The following RRN3 variants were observed in gnomAD, a reference collection of about 807,000 sequenced individuals.
The protein encoded by RRN3 is RNA polymerase I transcription factor RRN3, also known as RNA polymerase I-specific transcription initiation factor RRN3.
RRN3 carries 38 observed loss-of-function variants against 82.3 expected under a neutral mutation model. The observed-to-expected ratio is 0.46, with a 90% CI of 0.36 to 0.61. The LOEUF (loss-of-function observed/expected upper bound fraction) is 0.61, where lower values mean the gene tolerates loss of function less well. Ranked by LOEUF, RRN3 falls within the 20% of genes least tolerant of loss-of-function variation. The probability of loss-of-function intolerance (pLI) is 0.00; values close to 1 mark genes in which losing one functional copy is unlikely to be tolerated. For synonymous variants in RRN3, 284 were observed against 284.3 expected, an observed-to-expected ratio of 1.00 and a Z score of 0.01; for missense variants, 726 against 793.1, an observed-to-expected ratio of 0.92 and a Z score of 1.02.
In RRN3 at chr16:15,094,255, C is replaced by T. The variant is rs1423687571; in HGVS notation, c.-22G>A. The T allele has an allele frequency of 2.6e-6, 4 of 1,548,408 alleles. No individual in the cohort carries two copies. Among genetic ancestry groups the T allele is most frequent in the Non-Finnish European group, 3.5e-6 (4 of 1,141,868 alleles). ...CCATTGGGCCGAACTAACGCGACCGCTGCGCCTCAGGCCGGATGCCCAGCT... is the reference window on the plus strand; with the variant it reads ...CCATTGGGCCGAACTAACGCGACCGTTGCGCCTCAGGCCGGATGCCCAGCT... On this transcript the variant is annotated 5_prime_UTR_variant, in exon 1 of 18. Coordinates refer to ENST00000198767, the MANE Select transcript of RRN3 (RefSeq NM_018427.5).
intron 3 of RRN3, among the ~76,000 whole-genome samples, chr16:15,089,657 G>T (rs1598005724): frequency 6.6e-6 from 1 of 151,414 alleles, no homozygotes; most frequent in South Asian, 2.1e-4. Context: ...AAAATTAGCT[G>T]GCGGTGGTGG....
At chr16:15,093,846 G>A in intron 1 of RRN3, 1 of 444,550 alleles carries the variant, frequency 2.2e-6, no homozygotes, top group Non-Finnish European at 4.0e-6. Context: ...GGACGAAGAA[G>A]AGGGAAGGAA....
chr16:15,077,618 G>A (rs564287651), intron 9 of RRN3, among the ~76,000 whole-genome samples: 1 of 152,188 alleles, frequency 6.6e-6, no homozygotes, highest in Non-Finnish European at 1.5e-5. Context: ...GAGGTGGACG[G>A]ATCATGAGGT....
chr16:15,065,091 G>T (rs552856901), intron 16 of RRN3, 128 bp downstream of exon 16: 2 of 888,448 alleles, frequency 2.3e-6, no homozygotes, highest in Non-Finnish European at 3.5e-6. Context: ...GTGTGAACCC[G>T]GGAGGCGGAG....
intron 3 of RRN3, among the ~76,000 whole-genome samples, chr16:15,090,415 T>C (rs937860174): frequency 4.6e-5 from 7 of 152,204 alleles, no homozygotes; most frequent in Non-Finnish European, 7.3e-5. Flanking sequence ...TATTAGCTCA[T>C]TGAATCCTTG....
intron 10 of RRN3, among the ~76,000 whole-genome samples, 199 bp from the exon 11 acceptor site, chr16:15,075,060 G>A (rs1333874915): frequency 1.3e-5 from 2 of 151,946 alleles, no homozygotes; most frequent in Non-Finnish European, 2.9e-5. Flanking sequence ...GACCAGCCTG[G>A]CCAACATGGT....
In RRN3 at chr16:15,074,179, C is replaced by T. The variant is rs189191832; in HGVS notation, c.997+544G>A. ...TGTATTATTTTTATAACAGCAAGAC[C>T]GTTAAAACAGTAATGCAGTCAACTC... is the stretch of plus-strand genomic sequence containing the variant. On this transcript the variant is annotated intron_variant, in intron 11 of 17. Coordinates refer to ENST00000198767, the MANE Select transcript of RRN3 (RefSeq NM_018427.5). Among the ~76,000 whole-genome samples, 14 of 152,114 alleles carry T rather than the reference C, an allele frequency of 9.2e-5. No homozygotes were observed. In the South Asian group the frequency reaches 1.0e-3, roughly 11 times the overall value.
At chr16:15,062,296 G>A (rs1184806211) in intron 17 of RRN3, among the ~76,000 whole-genome samples, 1 of 152,160 alleles carries the variant, frequency 6.6e-6, no homozygotes, top group Non-Finnish European at 1.5e-5. Flanking sequence ...CAGGAAACAT[G>A]ACGAGTCATT....
Position 15,061,476 on chromosome 16 carries a change from A to C in RRN3, c.*268T>G. On this transcript the variant is annotated 3_prime_UTR_variant, in exon 18 of 18. Transcript: ENST00000198767. ...TGTTAACACAAAAAATGTACATATT[A>C]AACAAGCAAATCCTTCCAAATGTAT... The C allele has an allele frequency of 2.6e-6, 1 of 384,840 alleles. No individual in the cohort carries two copies. 23.8% of individuals were successfully genotyped at this position (384,840 alleles called of 1,614,324 possible).
intron 10 of RRN3, among the ~76,000 whole-genome samples, chr16:15,075,401 G>C (rs567275804): frequency 6.6e-6 from 1 of 151,932 alleles, no homozygotes; most frequent in South Asian, 2.1e-4. Flanking sequence ...AGTGAGACCT[G>C]TCTCTACAAA....
At chr16:15,087,748 ACTATC>A (rs1164247663) in intron 3 of RRN3, among the ~76,000 whole-genome samples, 2 of 152,218 alleles carry the variant, frequency 1.3e-5, no homozygotes, top group Admixed American at 1.3e-4. Context: ...AATAAAATAA[ACTATC>A]CTATCTCTTT....
intron 2 of RRN3, 139 bp downstream of exon 2, chr16:15,092,370 C>T (rs1205201682): frequency 3.2e-5 from 21 of 657,602 alleles, no homozygotes; most frequent in Non-Finnish European, 5.0e-5. Context: ...TTTGCACTGA[C>T]GGCATCATGC....
intron 16 of RRN3, among the ~76,000 whole-genome samples, chr16:15,064,974 G>A (rs995825830): frequency 4.6e-5 from 7 of 152,116 alleles, no homozygotes; most frequent in Admixed American, 2.6e-4. Flanking sequence ...AGAACATCCC[G>A]GCTAACACAG....
rs1179195856 is a variant in RRN3, at chr16:15,063,653, C to T, written c.1707-370G>A. ...CTGGGAGACGGAGCTTGCAGCGAGC[C>T]GAGATCGCGCCACTGCACTCCAGCC... is the stretch of plus-strand genomic sequence containing the variant. On this transcript the variant is annotated intron_variant, in intron 16 of 17. Transcript: ENST00000198767. 3.6e-5 allele frequency among the ~76,000 whole-genome samples: 5 copies of T among 138,172 alleles called. No homozygotes were observed. In the East Asian group the frequency reaches 6.4e-4, roughly 18 times the overall value. 90.6% of individuals were successfully genotyped at this position (138,172 alleles called of 152,430 possible). A position where few individuals can be genotyped will look rare whatever the true frequency, so the allele number is the denominator to read the frequency against.
chr16:15,072,899 T>G, intron 12 of RRN3, 51 bp downstream of exon 12: 1 of 1,595,786 alleles, frequency 6.3e-7, no homozygotes, highest in Admixed American at 1.8e-5. Flanking sequence ...GGGAAAATTT[T>G]TGGGCAAAAA....
intron 11 of RRN3, 25 bp from the exon 12 acceptor site, chr16:15,073,105 G>C: frequency 1.9e-6 from 3 of 1,600,686 alleles, no homozygotes; most frequent in South Asian, 1.1e-5. Flanking sequence ...TGGCATCTCA[G>C]TTTTTATAAA....
At chr16:15,068,698 G>A (rs569813165) in intron 14 of RRN3, among the ~76,000 whole-genome samples, 1,687 of 152,296 alleles carry the variant, frequency 0.011, 9 homozygotes, top group Non-Finnish European at 0.014. Context: ...GCTGAGTGCT[G>A]TTTTCAGGTG....
In RRN3 at chr16:15,060,953, CAT is replaced by C. The variant is rs1297968698; in HGVS notation, c.*789_*790del. 6.6e-6 allele frequency: 1 copy of C among 152,248 alleles called. No homozygotes were observed. The highest frequency in any genetic ancestry group is 1.5e-5 in the Non-Finnish European group (1 of 68,050). The allele number at this position is 152,248 out of a possible 1,614,324, so 9.4% of individuals were successfully genotyped here. A position where few individuals can be genotyped will look rare whatever the true frequency, so the allele number is the denominator to read the frequency against. On this transcript the variant is annotated 3_prime_UTR_variant, in exon 18 of 18. Transcript: ENST00000198767. ...AGAGCCAAGGGGTCAAATCCAATCTCATGTGTTTTACACAAGCCCGAACTCAC... is the reference window on the plus strand; with the variant it reads ...AGAGCCAAGGGGTCAAATCCAATCTCGTGTTTTACACAAGCCCGAACTCAC...
At chr16:15,087,947 TCTA>T (rs1318552821) in intron 3 of RRN3, among the ~76,000 whole-genome samples, 1 of 151,822 alleles carries the variant, frequency 6.6e-6, no homozygotes, top group Non-Finnish European at 1.5e-5. Flanking sequence ...AAACCCCGTC[TCTA>T]CTAAAAATAC....
Sources: allele counts gnomAD v4.1 joint callset (sites outside exome capture counted in the v4.1 genomes callset), GRCh38; gene constraint gnomAD v4.1.1; transcripts MANE v1.5; gene names NCBI Gene and HGNC (gene_info 2026-07-23, HGNC 2026-07-21).